INPP5F: variants seen among roughly 807,000 people sequenced by gnomAD.
INPP5F encodes the protein inositol polyphosphate-5-phosphatase F.
In INPP5F, 97 loss-of-function variants were observed where a neutral mutation model predicts 137.2. The ratio of observed to expected loss-of-function variants is 0.71; its 90% CI spans 0.60 to 0.84. The LOEUF (loss-of-function observed/expected upper bound fraction) is 0.84. Ranked by LOEUF, INPP5F falls within the 40% of genes least tolerant of loss-of-function variation. The probability of loss-of-function intolerance (pLI) is 0.00; values close to 1 mark genes in which losing one functional copy is unlikely to be tolerated. For synonymous variants in INPP5F, 504 were observed against 476.9 expected (o/e 1.06, Z -0.74); for missense variants, 1,271 against 1,371.9 (o/e 0.93, Z 1.16).
chr10:119,798,041 T>TG (rs889383533), intron 8 of INPP5F, among the ~76,000 whole-genome samples: 16 of 152,146 alleles, frequency 1.1e-4, no homozygotes, highest in East Asian at 9.6e-4. Context: ...AAAGTTTTTT[T>TG]TTTTGTTTTG....
intron 2 of INPP5F, among the ~76,000 whole-genome samples, chr10:119,762,184 C>G (rs567812169): frequency 9.2e-5 from 14 of 152,228 alleles, no homozygotes; most frequent in Admixed American, 3.9e-4. Context: ...TATAATAGTT[C>G]TTTGTCTGTT....
intron 2 of INPP5F, among the ~76,000 whole-genome samples, chr10:119,772,868 G>A (rs919264855): frequency 6.6e-6 from 1 of 151,822 alleles, no homozygotes; most frequent in African/African-American, 2.4e-5. Flanking sequence ...TCCTGCCTCA[G>A]CCTCCTGAGT....
intron 1 of INPP5F, among the ~76,000 whole-genome samples, chr10:119,732,577 G>C (rs373818096): frequency 6.4e-4 from 85 of 132,964 alleles, no homozygotes; most frequent in African/African-American, 2.4e-3. Context: ...TCGGCTCATT[G>C]CAACCTCTGC....
chr10:119,789,144 G>C (rs1037163465), intron 3 of INPP5F, among the ~76,000 whole-genome samples: 1 of 151,362 alleles, frequency 6.6e-6, no homozygotes, highest in Non-Finnish European at 1.5e-5. Context: ...AGAATTGTTT[G>C]AACCCAGGAG....
rs1564861929 is a variant in INPP5F at position 119,828,701 on chromosome 10, A to C, written c.*921A>C. ...TGGGAAACATCTGTCTCTACAAAAA[A>C]ATACAAAAATTAGCTGGGCATAGTG... On this transcript the variant is annotated 3_prime_UTR_variant, in exon 20 of 20. Transcript: ENST00000650623. 6.6e-6 allele frequency: 1 copy of C among 152,316 alleles called. No homozygotes were observed. 9.4% of individuals were successfully genotyped at this position (152,316 alleles called of 1,614,324 possible). A position where few individuals can be genotyped will look rare whatever the true frequency, so the allele number is the denominator to read the frequency against.
chr10:119,827,442 A>G lies in INPP5F; in HGVS notation c.3061A>G (p.Thr1021Ala), dbSNP rs1851813135. 1.9e-6 allele frequency: 3 copies of G among 1,614,230 alleles called. No homozygotes were observed. The highest frequency in any genetic ancestry group is 2.2e-5 in the South Asian group (2 of 91,078). The part of the protein sequence containing the change: ...PSQLDVSLSA[T>A]GPQFLSVEPA... ...GCAATTAGATGTCTCTCTTTCTGCA[A>G]CAGGCCCACAGTTTTTGTCAGTTGA... The change falls in exon 20 of 20, where the codon ACA becomes GCA. Residue 1021 changes from threonine to alanine, a missense_variant. Transcript: ENST00000650623.
At chr10:119,764,673 C>G (rs992399893) in intron 2 of INPP5F, among the ~76,000 whole-genome samples, 2 of 151,834 alleles carry the variant, frequency 1.3e-5, no homozygotes, top group Admixed American at 1.3e-4. Context: ...CCTCCGCCTC[C>G]CGGGTTCAAG....
chr10:119,751,083 T>C lies in INPP5F; in HGVS notation c.105T>C (p.Asp35=). 1.2e-6 allele frequency: 2 copies of C among 1,602,912 alleles called. No homozygotes were observed. Among genetic ancestry groups the C allele is most frequent in the South Asian group, 1.1e-5 (1 of 90,846 alleles). The change falls in exon 2 of 20, where the codon GAT becomes GAC. Residue 35 remains aspartate, a synonymous_variant. Coordinates refer to ENST00000650623, the MANE Select transcript of INPP5F (RefSeq NM_014937.4). ...CTTCCTATTTTATTTTAGCTACTGATCTACTTCTTGCCTGGAATCCCATTT... is the reference window on the plus strand; with the variant it reads ...CTTCCTATTTTATTTTAGCTACTGACCTACTTCTTGCCTGGAATCCCATTT... ...DGGLQLRPAT[D]LLLAWNPICL...
chr10:119,734,572 C>T (rs866805005), intron 1 of INPP5F, among the ~76,000 whole-genome samples: 1 of 152,134 alleles, frequency 6.6e-6, no homozygotes, highest in South Asian at 2.1e-4. Flanking sequence ...TGGCCTCAAG[C>T]AGTCCTCCTG....
chr10:119,798,508 G>C, intron 8 of INPP5F, 35 bp from the exon 9 acceptor site: 3 of 1,510,502 alleles, frequency 2.0e-6, no homozygotes, highest in African/African-American at 2.8e-5. Flanking sequence ...TTAAACATGG[G>C]AAGGAAAAAA....
Position 119,774,441 on chromosome 10 carries a change from G to T in INPP5F, c.179-7194G>T, listed in dbSNP as rs1437654486. On this transcript the variant is annotated intron_variant, in intron 2 of 19. Coordinates refer to ENST00000650623, the MANE Select transcript of INPP5F (RefSeq NM_014937.4). ...GTATGCTCTAAATGAAAGTTCTGTGGTGCTTTTCATGTAGATATTAGACCT... is the reference window on the plus strand; with the variant it reads ...GTATGCTCTAAATGAAAGTTCTGTGTTGCTTTTCATGTAGATATTAGACCT... 2.0e-5 allele frequency among the ~76,000 whole-genome samples: 3 copies of T among 151,628 alleles called. No individual in the cohort carries two copies. The East Asian group carries it at 5.8e-4, about 29-fold the overall frequency.
chr10:119,742,712 G>A (rs143647074), intron 1 of INPP5F, among the ~76,000 whole-genome samples: 2 of 152,166 alleles, frequency 1.3e-5, no homozygotes, highest in East Asian at 1.9e-4. Flanking sequence ...CCCTGGTCTG[G>A]CTTGGTGCGG....
chr10:119,797,106 A>G (rs113605005), intron 7 of INPP5F, among the ~76,000 whole-genome samples, 193 bp downstream of exon 7: 1,940 of 152,264 alleles, frequency 0.013, 61 homozygotes, highest in African/African-American at 0.045. Flanking sequence ...AGTTAGCAAA[A>G]TGAGAAGGAA....
At chr10:119,798,697 T>G in intron 9 of INPP5F, 87 bp downstream of exon 9, 1 of 820,292 alleles carries the variant, frequency 1.2e-6, no homozygotes, top group Non-Finnish European at 1.9e-6. Flanking sequence ...CATTGTACTA[T>G]TCAAAATTAA....
At chr10:119,792,573 T>TG (rs1312000695) in intron 6 of INPP5F, among the ~76,000 whole-genome samples, 5 of 151,426 alleles carry the variant, frequency 3.3e-5, no homozygotes, top group Non-Finnish European at 7.4e-5. Flanking sequence ...ACCAGTTTTT[T>TG]TTTTTTTTTT....
chr10:119,734,174 A>G (rs1442524285), intron 1 of INPP5F, among the ~76,000 whole-genome samples: 1 of 152,202 alleles, frequency 6.6e-6, no homozygotes, highest in Non-Finnish European at 1.5e-5. Flanking sequence ...ACCCATAGAC[A>G]TCTTTGTTTT....
intron 1 of INPP5F, among the ~76,000 whole-genome samples, chr10:119,731,903 G>C (rs928679042): frequency 6.6e-6 from 1 of 152,046 alleles, no homozygotes; most frequent in Non-Finnish European, 1.5e-5. Flanking sequence ...GGGTTGAATA[G>C]ATCTGTATGT....
At position 119,829,130 on chromosome 10, in the gene INPP5F, C is replaced by G. The variant is rs951429170; in HGVS notation, c.*1350C>G. On this transcript the variant is annotated 3_prime_UTR_variant, in exon 20 of 20. Transcript: ENST00000650623. Reference sequence around the variant, plus strand: ...TCTTGTGATTATTAAAATAAAGTACCATTGTAATTTAAAGTGACAAATGGG... The same window carrying G: ...TCTTGTGATTATTAAAATAAAGTACGATTGTAATTTAAAGTGACAAATGGG... The G allele has an allele frequency of 3.3e-5, 5 of 152,308 alleles. No individual in the cohort carries two copies. The highest frequency in any genetic ancestry group is 9.7e-5 in the African/African-American group (4 of 41,302). The allele number at this position is 152,308 out of a possible 1,614,324, so 9.4% of individuals were successfully genotyped here. A position where few individuals can be genotyped will look rare whatever the true frequency, so the allele number is the denominator to read the frequency against.
At chr10:119,747,083 C>T (rs1172433472) in intron 1 of INPP5F, among the ~76,000 whole-genome samples, 1 of 152,026 alleles carries the variant, frequency 6.6e-6, no homozygotes. Flanking sequence ...GCCACCATGC[C>T]CGGCCATAAG....
Sources: allele counts gnomAD v4.1 joint callset (sites outside exome capture counted in the v4.1 genomes callset), GRCh38; gene constraint gnomAD v4.1.1; transcripts MANE v1.5; gene names NCBI Gene and HGNC (gene_info 2026-07-23, HGNC 2026-07-21).